The following FOXP2 variants were observed in gnomAD, a reference collection of about 807,000 sequenced individuals.
FOXP2 encodes forkhead box protein P2.
A neutral mutation model predicts 115.8 loss-of-function variants in FOXP2; 12 were observed. That is an observed-to-expected ratio of 0.10 (90% CI 0.07 to 0.17). FOXP2 has a LOEUF of 0.17. Among genes scored for constraint, FOXP2 ranks in the 10% least tolerant of loss-of-function variants. The pLI, the probability that FOXP2 is intolerant of heterozygous loss-of-function variation, is 1.00. For missense variants in FOXP2, 629 were observed against 843.5 expected (o/e 0.75, Z 3.15); for synonymous variants, 328 against 297.7 (o/e 1.10, Z -1.05).
chr7:114,459,634 G>A (rs1430062410), intron 2 of FOXP2, among the ~76,000 whole-genome samples: 4 of 152,102 alleles, frequency 2.6e-5, no homozygotes, highest in African/African-American at 9.7e-5. Context: ...TTTGTTTGTT[G>A]AGACGGAGTC....
intron 5 of FOXP2, among the ~76,000 whole-genome samples, chr7:114,630,331 CAGT>C (rs1804832702): frequency 6.6e-6 from 1 of 151,998 alleles, no homozygotes; most frequent in African/African-American, 2.4e-5. Context: ...TTATTTTTCT[CAGT>C]GGTGCAGCTC....
chr7:114,173,681 G>C (rs796383790), intron 1 of FOXP2, among the ~76,000 whole-genome samples: 2 of 151,718 alleles, frequency 1.3e-5, no homozygotes, highest in Non-Finnish European at 2.9e-5. Flanking sequence ...CCAAAGCCCA[G>C]ATTACCAAGG....
chr7:114,532,122 G>C (rs1799169723), intron 2 of FOXP2, among the ~76,000 whole-genome samples: 2 of 151,850 alleles, frequency 1.3e-5, no homozygotes. Context: ...GCCTTGTCCA[G>C]CTCTAGAATT....
intron 3 of FOXP2, among the ~76,000 whole-genome samples, chr7:114,617,474 A>T (rs1338445510): frequency 6.6e-6 from 1 of 152,148 alleles, no homozygotes; most frequent in Non-Finnish European, 1.5e-5. Flanking sequence ...ATTTCTTAGG[A>T]TCTCCATGTT....
chr7:114,169,277 G>T (rs1328557684), intron 1 of FOXP2, among the ~76,000 whole-genome samples: 2 of 152,168 alleles, frequency 1.3e-5, no homozygotes, highest in South Asian at 2.1e-4. Flanking sequence ...GAAAGCAGCC[G>T]GGAGGGAGGC....
At chr7:114,461,322 A>G (rs909963808) in intron 2 of FOXP2, among the ~76,000 whole-genome samples, 1 of 152,106 alleles carries the variant, frequency 6.6e-6, no homozygotes, top group African/African-American at 2.4e-5. Context: ...ATCACATAAG[A>G]GTTTGTTCTG....
chr7:114,429,656 C>T (rs555282000), intron 2 of FOXP2, among the ~76,000 whole-genome samples: 58 of 151,642 alleles, frequency 3.8e-4, no homozygotes, highest in Admixed American at 1.4e-3. Flanking sequence ...GCATTTTGAG[C>T]ATTCATTAAG....
chr7:114,188,190 A>C (rs1457789408), intron 1 of FOXP2, among the ~76,000 whole-genome samples: 1 of 152,218 alleles, frequency 6.6e-6, no homozygotes, highest in East Asian at 1.9e-4. Context: ...AAATTGGATC[A>C]TGTCACTCCT....
At chr7:114,259,816 A>C (rs1261736833) in intron 1 of FOXP2, among the ~76,000 whole-genome samples, 3 of 152,198 alleles carry the variant, frequency 2.0e-5, no homozygotes, top group African/African-American at 7.2e-5. Flanking sequence ...GGCATAATAC[A>C]TTTTAGAAAG....
intron 3 of FOXP2, among the ~76,000 whole-genome samples, chr7:114,571,449 A>T (rs1267193153): frequency 6.6e-6 from 1 of 151,852 alleles, no homozygotes; most frequent in Admixed American, 6.6e-5. Flanking sequence ...TAAATAAAGC[A>T]ACTTCATGTT....
intron 3 of FOXP2, among the ~76,000 whole-genome samples, chr7:114,562,130 A>G (rs1027342665): frequency 5.3e-5 from 8 of 152,046 alleles, no homozygotes; most frequent in Admixed American, 3.9e-4. Context: ...ATGACCTTAA[A>G]CACTTTCACT....
rs551057996 is a variant in FOXP2 at position 114,377,265 on chromosome 7, C to T, written c.-10-49237C>T. On this transcript the variant is annotated intron_variant, in intron 2 of 17. Transcript: ENST00000634411. The stretch of plus-strand genomic sequence containing the variant: ...AGAAATCCAAAGTTTGAGATACTTT[C>T]CAAATACTCATTGAACACTAGGTAT... Among the ~76,000 whole-genome samples, 3 of 152,142 alleles carry T rather than the reference C, an allele frequency of 2.0e-5. No homozygotes were observed. The South Asian group carries it at 6.2e-4, about 32-fold the overall frequency.
At position 114,377,934 on chromosome 7, in the gene FOXP2, C is replaced by T. The variant is rs1166999671; in HGVS notation, c.-10-48568C>T. On this transcript the variant is annotated intron_variant, in intron 2 of 17. Transcript: ENST00000634411. ...AAAGACTGTGCAATGCTCCTTTTGT[C>T]CAAGTTCTTGCTTTGCCTGGCATGC... Among the ~76,000 whole-genome samples, 8 of 152,106 alleles carry T rather than the reference C, an allele frequency of 5.3e-5. 1 individual carries two copies.
At chr7:114,091,103 G>A (rs1240738103) in intron 1 of FOXP2, among the ~76,000 whole-genome samples, 1 of 151,622 alleles carries the variant, frequency 6.6e-6, no homozygotes, top group Non-Finnish European at 1.5e-5. Context: ...AAATAAATGG[G>A]TACTTCCACT....
chr7:114,495,963 T>A (rs1318283380), intron 2 of FOXP2, among the ~76,000 whole-genome samples: 2 of 152,182 alleles, frequency 1.3e-5, no homozygotes, highest in Non-Finnish European at 2.9e-5. Flanking sequence ...TTTAGCCAAA[T>A]TAAATTATCA....
intron 2 of FOXP2, among the ~76,000 whole-genome samples, chr7:114,331,580 T>C (rs1035785952): frequency 6.6e-6 from 1 of 152,158 alleles, no homozygotes; most frequent in African/African-American, 2.4e-5. Context: ...CTAGGAAGTC[T>C]TTGTTAATTT....
intron 2 of FOXP2, among the ~76,000 whole-genome samples, chr7:114,468,623 C>T (rs1283449983): frequency 6.6e-6 from 1 of 152,110 alleles, no homozygotes; most frequent in Non-Finnish European, 1.5e-5. Flanking sequence ...AACTCTTTCT[C>T]ATTCTTTTTA....
intron 2 of FOXP2, among the ~76,000 whole-genome samples, chr7:114,354,839 G>A (rs902021154): frequency 2.0e-5 from 3 of 152,096 alleles, no homozygotes; most frequent in African/African-American, 7.2e-5. Flanking sequence ...TAAAATATGA[G>A]ATATTTTGAA....
At chr7:114,135,559 G>C (rs1408258820) in intron 1 of FOXP2, among the ~76,000 whole-genome samples, 3 of 151,976 alleles carry the variant, frequency 2.0e-5, no homozygotes, top group Non-Finnish European at 4.4e-5. Context: ...TACTTGCTTA[G>C]ATGAAAAATA....
Sources: gnomAD v4.1 joint callset for allele counts (sites outside exome capture counted in the v4.1 genomes callset) on GRCh38, gnomAD v4.1.1 for gene constraint, MANE v1.5 for transcripts, NCBI Gene and HGNC (gene_info 2026-07-23, HGNC 2026-07-21) for gene names.